The following RALGPS2 variants were observed in gnomAD, a reference collection of about 807,000 sequenced individuals.
RALGPS2 encodes ras-specific guanine nucleotide-releasing factor RalGPS2.
RALGPS2 carries 43 observed loss-of-function variants against 86.8 expected under a neutral mutation model. The ratio of observed to expected loss-of-function variants is 0.50; its 90% confidence interval spans 0.39 to 0.64. The LOEUF is 0.64. RALGPS2 is among the 30% of genes least tolerant of loss of function. The pLI is 0.00. For synonymous variants in RALGPS2, 243 were observed against 231.3 expected (o/e 1.05, Z -0.46); for missense variants, 536 against 694.6 (o/e 0.77, Z 2.57).
chr1:178,851,904 G>T (rs1328071211), intron 8 of RALGPS2, among the ~76,000 whole-genome samples: 2 of 152,052 alleles, frequency 1.3e-5, no homozygotes, highest in African/African-American at 4.8e-5. Flanking sequence ...GGGAGGAGGG[G>T]ATCTCTGTAT....
intron 1 of RALGPS2, among the ~76,000 whole-genome samples, chr1:178,774,143 C>G (rs1410938422): frequency 2.0e-5 from 3 of 152,054 alleles, no homozygotes; most frequent in African/African-American, 7.2e-5. Flanking sequence ...GGTGTGGTGG[C>G]TTGTGCCTAT....
chr1:178,848,870 T>C (rs1174410251), intron 8 of RALGPS2, among the ~76,000 whole-genome samples: 1 of 152,162 alleles, frequency 6.6e-6, no homozygotes, highest in Non-Finnish European at 1.5e-5. Context: ...GCTCAAGTGA[T>C]CCACCTGCTT....
chr1:178,921,664 C>A lies in RALGPS2; in HGVS notation c.*5305C>A, dbSNP rs867709558. 6.6e-6 allele frequency: 1 copy of A among 151,970 alleles called. No individual in the cohort carries two copies. Among genetic ancestry groups the A allele is most frequent in the Admixed American group, 6.6e-5 (1 of 15,254 alleles). The allele number at this position is 151,970 out of a possible 1,614,324, so 9.4% of individuals were successfully genotyped here. A position where few individuals can be genotyped will look rare whatever the true frequency, so the allele number is the denominator to read the frequency against. Reference sequence around the variant, plus strand: ...TGAGGTACTCTAATGATGAAGCACTCGATTGCACTATGACCTCCTTGAGTG... The same window carrying A: ...TGAGGTACTCTAATGATGAAGCACTAGATTGCACTATGACCTCCTTGAGTG... On this transcript the variant is annotated 3_prime_UTR_variant, in exon 20 of 20. Coordinates refer to ENST00000367635, the MANE Select transcript of RALGPS2 (RefSeq NM_152663.5).
At chr1:178,746,917 A>C (rs1196692981) in intron 1 of RALGPS2, 4 of 1,102,696 alleles carry the variant, frequency 3.6e-6, no homozygotes, top group African/African-American at 1.5e-5. Context: ...TGTATTTTTC[A>C]GTCATTATTT....
Position 178,894,060 on chromosome 1 carries a change from TA to T in RALGPS2, c.1431+41del, listed in dbSNP as rs561051797. ...ATCATATTATATTTTAATACACCTCTAAAAATATGCAAATTTATAAGACTCT... is the reference window on the plus strand; with the variant it reads ...ATCATATTATATTTTAATACACCTCTAAAATATGCAAATTTATAAGACTCT... On this transcript the variant is annotated intron_variant, in intron 16 of 19. Transcript: ENST00000367635. 612 of 1,232,882 alleles carry T rather than the reference TA, an allele frequency of 5.0e-4. 1 individual carries two copies. In the African/African-American group the frequency reaches 8.5e-3, roughly 17 times the overall value. 76.4% of individuals were successfully genotyped at this position (1,232,882 alleles called of 1,614,324 possible).
At chr1:178,852,819 G>A (rs769787196) in intron 8 of RALGPS2, 3 of 1,613,884 alleles carry the variant, frequency 1.9e-6, no homozygotes, top group Non-Finnish European at 2.5e-6. Context: ...GACGAAAGCT[G>A]CTGTATTCTG....
At chr1:178,738,834 A>G (rs1345876123) in intron 1 of RALGPS2, among the ~76,000 whole-genome samples, 2 of 152,170 alleles carry the variant, frequency 1.3e-5, no homozygotes, top group African/African-American at 2.4e-5. Flanking sequence ...ATCAAGTGTA[A>G]TTATAGCCCA....
rs147187293 is a variant in RALGPS2, at chr1:178,796,919, A to T, written c.214-11126A>T. Among the ~76,000 whole-genome samples the T allele has an allele frequency of 2.6e-3, 396 of 152,302 alleles. 1 individual carries two copies. The highest frequency in any genetic ancestry group is 9.0e-3 in the African/African-American group (374 of 41,562). On this transcript the variant is annotated intron_variant, in intron 4 of 19. Transcript: ENST00000367635. ...TAATGACTGTTAAGAAATTGCCTTT[A>T]TATATGATTTACTATTTGAAGATTT...
At chr1:178,859,976 C>G (rs1320058186) in intron 8 of RALGPS2, among the ~76,000 whole-genome samples, 1 of 151,950 alleles carries the variant, frequency 6.6e-6, no homozygotes, top group Admixed American at 6.6e-5. Flanking sequence ...CTCGGCTACA[C>G]AAAGCACTTC....
intron 8 of RALGPS2, among the ~76,000 whole-genome samples, chr1:178,862,593 T>A (rs367570831): frequency 0.04 from 5,677 of 140,716 alleles, 412 homozygotes; most frequent in African/African-American, 0.14. Flanking sequence ...GTTGCATTTT[T>A]TTTATTTATT....
intron 4 of RALGPS2, among the ~76,000 whole-genome samples, chr1:178,798,024 TA>T (rs372907580): frequency 0.015 from 1,891 of 128,892 alleles, 35 homozygotes; most frequent in African/African-American, 0.052. Context: ...CTTAGAAATA[TA>T]AAAAAAAATT....
chr1:178,755,836 G>C (rs1035323319), intron 1 of RALGPS2, among the ~76,000 whole-genome samples: 2 of 151,978 alleles, frequency 1.3e-5, no homozygotes, highest in Non-Finnish European at 2.9e-5. Context: ...TTTCTCCATA[G>C]CCTCCAACAT....
intron 8 of RALGPS2, among the ~76,000 whole-genome samples, chr1:178,875,640 C>T (rs764027207): frequency 7.2e-5 from 11 of 151,818 alleles, no homozygotes; most frequent in Non-Finnish European, 1.0e-4. Flanking sequence ...CTCAGCTATT[C>T]GGGTGGCTGA....
chr1:178,753,988 C>T (rs7511683), intron 1 of RALGPS2, among the ~76,000 whole-genome samples: 6 of 151,884 alleles, frequency 4.0e-5, no homozygotes, highest in South Asian at 2.1e-4. Context: ...CCCGCCACCA[C>T]GCCCGGCTAA....
At position 178,749,944 on chromosome 1, in the gene RALGPS2, A is replaced by AAC. The variant is rs147164836; in HGVS notation, c.-84+24539_-84+24540dup. On this transcript the variant is annotated intron_variant, in intron 1 of 19. Coordinates refer to ENST00000367635, the MANE Select transcript of RALGPS2 (RefSeq NM_152663.5). ...ACCCCATCTCTACAAAAACAACAAC[A>AAC]ACACACACACACACAAATTAGCCAG... Among the ~76,000 whole-genome samples the AAC allele has an allele frequency of 1.3e-4, 20 of 151,672 alleles. 1 individual carries two copies. The East Asian group carries it at 2.9e-3, about 22-fold the overall frequency.
At chr1:178,864,866 T>C (rs1658276623) in intron 8 of RALGPS2, 1 of 916,786 alleles carries the variant, frequency 1.1e-6, no homozygotes, top group African/African-American at 1.7e-5. Context: ...CATCGCAAAA[T>C]GAATAAGCAT....
intron 8 of RALGPS2, chr1:178,864,973 C>T (rs371840000): frequency 1.6e-5 from 23 of 1,453,438 alleles, no homozygotes; most frequent in African/African-American, 1.1e-4. Flanking sequence ...TGAAAGTTAC[C>T]GGTGGTATCT....
intron 8 of RALGPS2, among the ~76,000 whole-genome samples, chr1:178,856,641 A>T (rs967398175): frequency 5.9e-5 from 9 of 151,578 alleles, no homozygotes; most frequent in Admixed American, 5.3e-4. Flanking sequence ...AGAGCCCTTA[A>T]CACTATACCC....
chr1:178,781,576 A>G (rs1490060008), intron 2 of RALGPS2, among the ~76,000 whole-genome samples: 1 of 152,198 alleles, frequency 6.6e-6, no homozygotes, highest in South Asian at 2.1e-4. Context: ...AATGCACACT[A>G]GTAATTTTTA....
Sources: allele counts gnomAD v4.1 joint callset (sites outside exome capture counted in the v4.1 genomes callset), GRCh38; gene constraint gnomAD v4.1.1; transcripts MANE v1.5; gene names NCBI Gene and HGNC (gene_info 2026-07-23, HGNC 2026-07-21).